The following CCR9 variants were observed in gnomAD, a reference collection of about 807,000 sequenced individuals.
CCR9 encodes the protein C-C chemokine receptor type 9.
In CCR9, 4 loss-of-function variants were observed where a neutral mutation model predicts 8.7. The ratio of observed to expected loss-of-function variants is 0.46; its 90% CI spans 0.23 to 1.06. The LOEUF (loss-of-function observed/expected upper bound fraction) is 1.06, where lower values mean the gene tolerates loss of function less well. Among genes scored for constraint, CCR9 ranks in the 50% least tolerant of loss-of-function variants. The pLI, the probability that CCR9 is intolerant of heterozygous loss-of-function variation, is 0.21. For synonymous variants in CCR9, 159 were observed against 168.8 expected, an observed-to-expected ratio of 0.94 and a Z score of 0.45; for missense variants, 394 against 453.6, an observed-to-expected ratio of 0.87 and a Z score of 1.19.
intron 1 of CCR9, among the ~76,000 whole-genome samples, chr3:45,890,126 T>C (rs1367885200): frequency 2.0e-5 from 3 of 149,558 alleles, no homozygotes; most frequent in Non-Finnish European, 4.4e-5. Context: ...TTGCTGTCAC[T>C]CACTATAACA....
intron 1 of CCR9, 103 bp from the exon 2 acceptor site, chr3:45,894,803 G>C: frequency 1.2e-6 from 1 of 811,086 alleles, no homozygotes; most frequent in South Asian, 1.4e-5. Flanking sequence ...ATTTTTTTCA[G>C]AAGAATAAGC....
intron 2 of CCR9, among the ~76,000 whole-genome samples, chr3:45,899,362 A>G (rs1256270563): frequency 6.6e-6 from 1 of 152,242 alleles, no homozygotes; most frequent in Non-Finnish European, 1.5e-5. Flanking sequence ...TACAATGTAT[A>G]CAGATAGGGA....
chr3:45,901,240 C>A lies in CCR9; in HGVS notation c.452C>A (p.Ala151Asp), dbSNP rs1702545010. 2 of 1,614,044 alleles carry A rather than the reference C, an allele frequency of 1.2e-6. No homozygotes were observed. The highest frequency in any genetic ancestry group is 3.3e-5 in the Admixed American group (2 of 60,014). ...SVDRYIAIAQ[A>D]MRAHTWREKR... is the part of the protein sequence containing the mutation. ...GACAGGTACATTGCCATTGCCCAGG[C>A]CATGAGAGCACATACTTGGAGGGAG... Residue 151 changes from alanine (A) to aspartate (D), a missense_variant, in exon 3 of 3, where the codon GCC becomes GAC. Physicochemically the swap from Ala to Asp is moderately radical, Grantham distance 126 (BLOSUM62 -2). Transcript: ENST00000357632. The surrounding 1 kb of genome is among the most constrained non-coding windows in gnomAD (Gnocchi z 4.3).
chr3:45,902,501 G>C lies in CCR9; in HGVS notation c.*603G>C, dbSNP rs892177982. 6.0e-6 allele frequency: 1 copy of C among 167,096 alleles called. No individual in the cohort carries two copies. The highest frequency in any genetic ancestry group is 2.4e-5 in the African/African-American group (1 of 41,418). 10.4% of individuals were successfully genotyped at this position (167,096 alleles called of 1,614,324 possible). A position where few individuals can be genotyped will look rare whatever the true frequency, so the allele number is the denominator to read the frequency against. On this transcript the variant is annotated 3_prime_UTR_variant, in exon 3 of 3. Transcript: ENST00000357632. ...AAGGTCCTTGTTCTGATTTTGAAAC[G>C]ATCTGCAGGTCTTGCCAGTGAACCC...
chr3:45,898,302 C>A (rs567924539), intron 2 of CCR9, among the ~76,000 whole-genome samples: 1 of 152,130 alleles, frequency 6.6e-6, no homozygotes, highest in Non-Finnish European at 1.5e-5. Flanking sequence ...CCGTGTCCAG[C>A]GTTGGGAGGA....
intron 1 of CCR9, among the ~76,000 whole-genome samples, chr3:45,892,724 A>G (rs986528755): frequency 6.6e-6 from 1 of 152,160 alleles, no homozygotes; most frequent in African/African-American, 2.4e-5. Context: ...AAATAAAAGG[A>G]AAAAACCCAC....
rs778368692 is a variant in CCR9 at position 45,901,492 on chromosome 3, C to A, written c.704C>A (p.Thr235Asn). The A allele has an allele frequency of 1.2e-6, 2 of 1,614,142 alleles. No individual in the cohort carries two copies. Among genetic ancestry groups the A allele is most frequent in the Non-Finnish European group, 1.7e-6 (2 of 1,180,006 alleles). ...LPFVVMACCY[T>N]IIIHTLIQAK... ...TTCGTGGTCATGGCTTGCTGCTATACCATCATCATTCACACCCTGATACAA... is the reference window on the plus strand; with the variant it reads ...TTCGTGGTCATGGCTTGCTGCTATAACATCATCATTCACACCCTGATACAA... The change falls in exon 3 of 3, where the codon ACC (threonine) becomes AAC (asparagine). Residue 235 changes from threonine (T) to asparagine (N), a missense_variant. Transcript: ENST00000357632. This position sits in a 1 kb window ranked among gnomAD's most constrained non-coding sequence, Gnocchi z 4.3.
chr3:45,887,251 C>CTGTGTGTGTGTG (rs36040178), intron 1 of CCR9, among the ~76,000 whole-genome samples: 74 of 149,222 alleles, frequency 5.0e-4, no homozygotes, highest in Admixed American at 1.5e-3. Context: ...GCGTGTGTGT[C>CTGTGTGTGTGTG]TGTGTGTGTG....
chr3:45,886,780 G>A (rs186331466), intron 1 of CCR9, 125 bp downstream of exon 1: 368 of 152,316 alleles, frequency 2.4e-3, no homozygotes, highest in Non-Finnish European at 4.2e-3. Flanking sequence ...TGGGCACCAG[G>A]CACTTTTCTA....
Position 45,894,937 on chromosome 3 carries a change from A to G in CCR9, c.4A>G (p.Thr2Ala). 2 of 1,614,000 alleles carry G rather than the reference A, an allele frequency of 1.2e-6. No individual in the cohort carries two copies. The highest frequency in any genetic ancestry group is 1.7e-6 in the Non-Finnish European group (2 of 1,179,956). The change falls in exon 2 of 3, where the codon ACA (threonine) becomes GCA (alanine). Residue 2 changes from threonine (T) to alanine (A), a missense_variant. Physicochemically the swap from Thr to Ala is moderately conservative, Grantham distance 58. Coordinates refer to ENST00000357632, the MANE Select transcript of CCR9 (RefSeq NM_031200.3). The stretch of plus-strand genomic sequence containing the variant: ...GCTTGCATCTGACTGACCCACCATG[A>G]CACCCACAGACTTCACAGTGAGTAC... M[T>A]PTDFTSPIPN... is the part of the protein sequence containing the mutation.
intron 1 of CCR9, among the ~76,000 whole-genome samples, chr3:45,894,271 T>C (rs1702278319): frequency 1.3e-5 from 2 of 152,230 alleles, no homozygotes; most frequent in Admixed American, 6.5e-5. Context: ...GACTTCCTTT[T>C]CCTGCTGAAG....
At chr3:45,889,567 A>G (rs1344413212) in intron 1 of CCR9, among the ~76,000 whole-genome samples, 1 of 152,196 alleles carries the variant, frequency 6.6e-6, no homozygotes, top group Non-Finnish European at 1.5e-5. Context: ...AAGATATTTA[A>G]ATAGTTTGCA....
At chr3:45,892,919 G>A (rs1054788242) in intron 1 of CCR9, among the ~76,000 whole-genome samples, 1 of 152,202 alleles carries the variant, frequency 6.6e-6, no homozygotes, top group Non-Finnish European at 1.5e-5. Flanking sequence ...GAGAAGTGAA[G>A]TGCCAGAAGG....
At position 45,900,760 on chromosome 3, in the gene CCR9, A is replaced by T. The variant is rs201547391; in HGVS notation, c.22-50A>T. 15 of 1,559,426 alleles carry T rather than the reference A, an allele frequency of 9.6e-6. No homozygotes were observed. Among genetic ancestry groups the T allele is most frequent in the Admixed American group, 3.5e-5 (2 of 56,602 alleles). On this transcript the variant is annotated intron_variant, in intron 2 of 2. Coordinates refer to ENST00000357632, the MANE Select transcript of CCR9 (RefSeq NM_031200.3). The surrounding 1 kb of genome is among the most constrained non-coding windows in gnomAD (Gnocchi z 4.7). ...GTCCATGCCTCTGCCATCAGACAGG[A>T]CCTTCAAAATATTTTCCTTGACCTA... is the stretch of plus-strand genomic sequence containing the variant.
intron 2 of CCR9, among the ~76,000 whole-genome samples, chr3:45,898,950 G>A (rs894010335): frequency 6.6e-5 from 10 of 152,118 alleles, no homozygotes; most frequent in Non-Finnish European, 1.2e-4. Context: ...GGTGGATTAC[G>A]AGGTCAGAAG....
At chr3:45,891,692 A>G (rs72884920) in intron 1 of CCR9, among the ~76,000 whole-genome samples, 1,708 of 151,814 alleles carry the variant, frequency 0.011, 35 homozygotes, top group African/African-American at 0.039. Flanking sequence ...CTTCACAATT[A>G]TTTTTTTTCC....
chr3:45,892,723 G>GA (rs1195389923), intron 1 of CCR9, among the ~76,000 whole-genome samples: 1 of 151,866 alleles, frequency 6.6e-6, no homozygotes, highest in African/African-American at 2.4e-5. Flanking sequence ...AAAATAAAAG[G>GA]AAAAAACCCA....
At position 45,901,460 on chromosome 3, in the gene CCR9, C is replaced by G; in HGVS notation, c.672C>G (p.Phe224Leu). ...CCCTGAAGGTCATTCTGGGGTTCTTCCTTCCCTTCGTGGTCATGGCTTGCT... is the reference window on the plus strand; with the variant it reads ...CCCTGAAGGTCATTCTGGGGTTCTTGCTTCCCTTCGTGGTCATGGCTTGCT... Reference protein sequence around the residue: ...VLTLKVILGFFLPFVVMACCY... With the variant: ...VLTLKVILGFLLPFVVMACCY... The change falls in exon 3 of 3, where the codon TTC becomes TTG. Residue 224 changes from phenylalanine to leucine, a missense_variant. Physicochemically the swap from Phe to Leu is conservative, Grantham distance 22. Transcript: ENST00000357632. This position sits in a 1 kb window ranked among gnomAD's most constrained non-coding sequence, Gnocchi z 4.3. 6.2e-7 allele frequency: 1 copy of G among 1,614,168 alleles called. No homozygotes were observed. The highest frequency in any genetic ancestry group is 8.5e-7 in the Non-Finnish European group (1 of 1,180,020).
chr3:45,901,899 G>A lies in CCR9; in HGVS notation c.*1G>A, dbSNP rs1702573245. ...AACCTCAGGAGCACTCTCCCTCTGA[G>A]GGGTCTTCTCTGAGGTGCATGGTTC... On this transcript the variant is annotated 3_prime_UTR_variant, in exon 3 of 3. Coordinates refer to ENST00000357632, the MANE Select transcript of CCR9 (RefSeq NM_031200.3). This position sits in a 1 kb window ranked among gnomAD's most constrained non-coding sequence, Gnocchi z 4.3. 4.4e-6 allele frequency: 7 copies of A among 1,584,338 alleles called. No individual in the cohort carries two copies. Among genetic ancestry groups the A allele is most frequent in the Non-Finnish European group, 5.2e-6 (6 of 1,162,822 alleles).
Sources: gnomAD v4.1 joint callset for allele counts (sites outside exome capture counted in the v4.1 genomes callset) on GRCh38, gnomAD v4.1.1 for gene constraint, Gnocchi (gnomAD v3.1) non-coding constraint, MANE v1.5 for transcripts, NCBI Gene and HGNC (gene_info 2026-07-23, HGNC 2026-07-21) for gene names.